EML6: variants seen among roughly 807,000 people sequenced by gnomAD.
EML6 encodes the protein EMAP like 6.
Under a neutral mutation model 240.1 loss-of-function variants are expected in EML6, and 154 were observed. The ratio of observed to expected loss-of-function variants is 0.64; its 90% CI spans 0.56 to 0.73. EML6 has a LOEUF of 0.73. Among genes scored for constraint, EML6 ranks in the 30% least tolerant of loss-of-function variants. The pLI, the probability that EML6 is intolerant of heterozygous loss-of-function variation, is 0.00. For synonymous variants in EML6, 1,148 were observed against 899.0 expected (o/e 1.28, Z -4.95); for missense variants, 2,964 against 2,474.6 (o/e 1.20, Z -4.20).
chr2:54,751,482 G>C (rs565368062), intron 2 of EML6, among the ~76,000 whole-genome samples: 1 of 152,050 alleles, frequency 6.6e-6, no homozygotes, highest in Non-Finnish European at 1.5e-5. Flanking sequence ...TTAAATTAGA[G>C]CTTCTGCTTC....
intron 7 of EML6, among the ~76,000 whole-genome samples, chr2:54,839,744 G>A (rs1393916804): frequency 6.6e-6 from 1 of 152,134 alleles, no homozygotes; most frequent in East Asian, 1.9e-4. Context: ...CCCTCTCCTT[G>A]CCAGGAACCT....
chr2:54,970,084 C>T lies in EML6; in HGVS notation c.5866C>T (p.Arg1956Ter), dbSNP rs1558738113. 3 of 1,551,498 alleles carry T rather than the reference C, an allele frequency of 1.9e-6. No homozygotes were observed. The highest frequency in any genetic ancestry group is 1.2e-5 in the South Asian group (1 of 84,066). The change falls in exon 42 of 42, where the codon CGA becomes TGA. Residue 1956 changes from arginine (R) to a stop codon, truncating the protein, a stop_gained. Transcript: ENST00000356458. LOFTEE classifies it high-confidence loss of function. ...CTGCCTTTTCAGTGTATTTGTGTGG[C>T]GATGTCTGTAAAATGCCAGAAGCCT... ...GGDDCSVFVW[R>*]CL
intron 2 of EML6, among the ~76,000 whole-genome samples, chr2:54,775,087 A>G (rs1160943935): frequency 6.6e-6 from 1 of 152,218 alleles, no homozygotes; most frequent in Non-Finnish European, 1.5e-5. Flanking sequence ...CTGTGCCTCT[A>G]TAGTAGTCTA....
At position 54,852,883 on chromosome 2, in the gene EML6, C is replaced by T. The variant is rs370844779; in HGVS notation, c.1445-760C>T. 1.3e-4 allele frequency among the ~76,000 whole-genome samples: 20 copies of T among 152,210 alleles called. 1 individual carries two copies. The East Asian group carries it at 1.4e-3, about 10-fold the overall frequency. On this transcript the variant is annotated intron_variant, in intron 10 of 41. Coordinates refer to ENST00000356458, the MANE Select transcript of EML6 (RefSeq NM_001039753.4). ...ACTTTCCCAAATGTATGTATGTTTG[C>T]TTCTTTGTGTGCTCTCTGGGGAACA...
intron 28 of EML6, among the ~76,000 whole-genome samples, chr2:54,933,472 TG>T (rs903466630): frequency 3.9e-5 from 6 of 152,210 alleles, no homozygotes; most frequent in African/African-American, 1.4e-4. Flanking sequence ...CGGTGGCTTA[TG>T]CCTGTAATCC....
chr2:54,819,781 A>AC (rs1435462403), intron 4 of EML6, among the ~76,000 whole-genome samples: 1 of 151,676 alleles, frequency 6.6e-6, no homozygotes. Context: ...CAGAAAAAAA[A>AC]AAAAAAAAAG....
chr2:54,823,477 T>C (rs1278813730), intron 5 of EML6, among the ~76,000 whole-genome samples: 4 of 152,172 alleles, frequency 2.6e-5, no homozygotes, highest in South Asian at 2.1e-4. Flanking sequence ...AGGGAACAAA[T>C]ATTTTGAAAG....
chr2:54,724,542 G>A lies in EML6; in HGVS notation c.-513-7G>A, dbSNP rs1235079965. The stretch of plus-strand genomic sequence containing the variant: ...CTTTCTTCCTCGCTCTCGCTTCCTG[G>A]ATATAGACTGTCAATTTCGGATCCA... On this transcript the variant is annotated splice_region_variant and splice_polypyrimidine_tract_variant and intron_variant, in intron 1 of 41. Transcript: ENST00000356458. This position sits in a 1 kb window ranked among gnomAD's most constrained non-coding sequence, Gnocchi z 5.2. 6.6e-6 allele frequency: 1 copy of A among 152,138 alleles called. No homozygotes were observed. Among genetic ancestry groups the A allele is most frequent in the Non-Finnish European group, 1.5e-5 (1 of 68,028 alleles). 9.4% of individuals were successfully genotyped at this position (152,138 alleles called of 1,614,324 possible).
intron 2 of EML6, among the ~76,000 whole-genome samples, chr2:54,798,868 T>C (rs1669961627): frequency 6.6e-6 from 1 of 152,242 alleles, no homozygotes. Context: ...ATAAAGAGAA[T>C]GCATTCAGTA....
At chr2:54,963,042 A>G (rs993488093) in intron 36 of EML6, among the ~76,000 whole-genome samples, 6 of 151,498 alleles carry the variant, frequency 4.0e-5, no homozygotes, top group African/African-American at 1.5e-4. Flanking sequence ...CAAAATCCCA[A>G]CAAGGTTTCT....
intron 17 of EML6, among the ~76,000 whole-genome samples, chr2:54,889,781 T>A (rs1672367369): frequency 6.6e-6 from 1 of 152,240 alleles, no homozygotes; most frequent in Non-Finnish European, 1.5e-5. Flanking sequence ...CTAGTTGCAT[T>A]AGTTTATATG....
chr2:54,811,782 G>A (rs1667860433), intron 2 of EML6, among the ~76,000 whole-genome samples: 1 of 152,162 alleles, frequency 6.6e-6, no homozygotes, highest in Non-Finnish European at 1.5e-5. Flanking sequence ...TGAAATACCA[G>A]GTGTGTCTCA....
chr2:54,798,563 G>A (rs76830118), intron 2 of EML6, among the ~76,000 whole-genome samples: 2 of 152,014 alleles, frequency 1.3e-5, no homozygotes, highest in Non-Finnish European at 2.9e-5. Flanking sequence ...TATTATAAGT[G>A]GCATTAAAAT....
In EML6 at chr2:54,731,101, G is replaced by A. The variant is rs576480419; in HGVS notation, c.197+5843G>A. Among the ~76,000 whole-genome samples the A allele has an allele frequency of 3.3e-5, 5 of 152,328 alleles. 1 individual carries two copies. In the South Asian group the frequency reaches 1.0e-3, roughly 32 times the overall value. ...GAAACCTGAAGGGTGTGAAGGGGAA[G>A]ACAGGTGAAGATGTAGTGGCAGAGA... On this transcript the variant is annotated intron_variant, in intron 2 of 41. Transcript: ENST00000356458.
chr2:54,969,956 T>G, intron 41 of EML6, 115 bp from the exon 42 acceptor site: 1 of 1,070,452 alleles, frequency 9.3e-7, no homozygotes, highest in Non-Finnish European at 1.4e-6. Flanking sequence ...GAAGTCAAAA[T>G]GTTCAATACA....
chr2:54,800,697 T>G (rs1429092463), intron 2 of EML6, among the ~76,000 whole-genome samples: 1 of 152,132 alleles, frequency 6.6e-6, no homozygotes, highest in African/African-American at 2.4e-5. Context: ...GATGGGTAGA[T>G]GGATGAACCA....
rs113264102 is a variant in EML6, at chr2:54,919,250, C to T, written c.3675+2315C>T. ...CTTTCCTCTATTTTGCTTCCCCCCC[C>T]CCCCAATCCTTTTCAAAAGTCTTAT... On this transcript the variant is annotated intron_variant, in intron 26 of 41. Coordinates refer to ENST00000356458, the MANE Select transcript of EML6 (RefSeq NM_001039753.4). 9.7e-3 allele frequency among the ~76,000 whole-genome samples: 1,413 copies of T among 145,708 alleles called. 52 individuals carry two copies. The highest frequency in any genetic ancestry group is 0.033 in the African/African-American group (1,312 of 39,766).
intron 31 of EML6, 52 bp downstream of exon 31, chr2:54,952,744 C>A: frequency 8.1e-7 from 1 of 1,237,034 alleles, no homozygotes; most frequent in South Asian, 1.3e-5. Context: ...GGACGCTGAC[C>A]TGTCAGCAAT....
At chr2:54,807,155 T>C (rs371963300) in intron 2 of EML6, among the ~76,000 whole-genome samples, 68 of 152,326 alleles carry the variant, frequency 4.5e-4, no homozygotes, top group Non-Finnish European at 8.4e-4. Context: ...GGTCAGTCTA[T>C]GGTTGCAGTT....
Sources: gnomAD v4.1 joint callset for allele counts (sites outside exome capture counted in the v4.1 genomes callset) on GRCh38, gnomAD v4.1.1 for gene constraint, Gnocchi (gnomAD v3.1) non-coding constraint, MANE v1.5 for transcripts, NCBI Gene and HGNC (gene_info 2026-07-23, HGNC 2026-07-21) for gene names.